The following GRIK2 variants were observed in gnomAD, a reference collection of about 807,000 sequenced individuals.
GRIK2 encodes the protein glutamate ionotropic receptor kainate type subunit 2.
A neutral mutation model predicts 100.3 loss-of-function variants in GRIK2; 32 were observed. That is an observed-to-expected ratio of 0.32 (90% confidence interval 0.24 to 0.43). GRIK2 has a LOEUF of 0.43. Ranked by LOEUF, GRIK2 falls within the 20% of genes least tolerant of loss-of-function variation. The pLI is 1.00. For synonymous variants in GRIK2, 417 were observed against 389.4 expected (o/e 1.07, Z -0.83); for missense variants, 843 against 1,114.9 (o/e 0.76, Z 3.47).
At chr6:101,405,870 A>G (rs1775567979) in intron 2 of GRIK2, among the ~76,000 whole-genome samples, 3 of 152,228 alleles carry the variant, frequency 2.0e-5, no homozygotes, top group Non-Finnish European at 4.4e-5. Flanking sequence ...CATGAAACCA[A>G]ATTTTTGTAT....
chr6:101,689,470 A>G (rs1771937797), intron 7 of GRIK2, among the ~76,000 whole-genome samples: 1 of 152,118 alleles, frequency 6.6e-6, no homozygotes, highest in South Asian at 2.1e-4. Flanking sequence ...TTGAGTTAGG[A>G]TTTTAATTGG....
chr6:101,725,044 ATTTTCTTTTACTTTGTG>A (rs149770738), intron 7 of GRIK2, among the ~76,000 whole-genome samples: 2,390 of 152,016 alleles, frequency 0.016, 27 homozygotes, highest in Non-Finnish European at 0.021. Context: ...TAAAAGTTTT[ATTTTCTTTTACTTTGTG>A]AATTCAATAA....
chr6:102,007,282 G>A (rs1795292220), intron 14 of GRIK2, among the ~76,000 whole-genome samples: 2 of 152,054 alleles, frequency 1.3e-5, no homozygotes, highest in South Asian at 4.1e-4. Flanking sequence ...GGAGAGAAAT[G>A]GGAGGAAATG....
At chr6:101,400,152 G>T (rs1410490316) in intron 2 of GRIK2, among the ~76,000 whole-genome samples, 2 of 152,156 alleles carry the variant, frequency 1.3e-5, no homozygotes, top group African/African-American at 4.8e-5. Flanking sequence ...GTGGGGAAGA[G>T]TAGTTGTTTA....
chr6:101,436,476 A>G, intron 2 of GRIK2, among the ~76,000 whole-genome samples: 1 of 152,060 alleles, frequency 6.6e-6, no homozygotes, highest in East Asian at 1.9e-4. Context: ...AATGTTCTGT[A>G]GCAAAACTTG....
chr6:102,067,187 T>C (rs1191161508), intron 16 of GRIK2, among the ~76,000 whole-genome samples: 2 of 151,750 alleles, frequency 1.3e-5, no homozygotes. Flanking sequence ...GATGTATATA[T>C]ACATTGTGGA....
intron 2 of GRIK2, among the ~76,000 whole-genome samples, chr6:101,499,702 G>C (rs1773649341): frequency 6.6e-6 from 1 of 151,978 alleles, no homozygotes; most frequent in Non-Finnish European, 1.5e-5. Context: ...ATTTGTGTTA[G>C]ATTTAAGTCA....
At chr6:102,028,890 T>C (rs1008786657) in intron 14 of GRIK2, among the ~76,000 whole-genome samples, 2 of 151,180 alleles carry the variant, frequency 1.3e-5, no homozygotes, top group Non-Finnish European at 3.0e-5. Flanking sequence ...ATTTTAACTA[T>C]TTCTTATCTT....
At chr6:101,660,653 T>A (rs1339312650) in intron 4 of GRIK2, among the ~76,000 whole-genome samples, 1 of 152,008 alleles carries the variant, frequency 6.6e-6, no homozygotes, top group Non-Finnish European at 1.5e-5. Context: ...TCTGATGGAG[T>A]TTTTGTGTGG....
intron 14 of GRIK2, among the ~76,000 whole-genome samples, chr6:102,001,370 C>T (rs553751123): frequency 7.9e-5 from 12 of 151,772 alleles, no homozygotes; most frequent in African/African-American, 2.4e-4. Flanking sequence ...CCCCACCCCC[C>T]GACAGGCCCC....
At chr6:101,952,686 T>G (rs1262026777) in intron 14 of GRIK2, among the ~76,000 whole-genome samples, 2 of 151,762 alleles carry the variant, frequency 1.3e-5, no homozygotes, top group African/African-American at 4.8e-5. Context: ...CACTGCAAGC[T>G]CCGCCTCCTG....
chr6:101,709,150 A>T (rs938234469), intron 7 of GRIK2, among the ~76,000 whole-genome samples: 1 of 151,830 alleles, frequency 6.6e-6, no homozygotes, highest in African/African-American at 2.4e-5. Context: ...AACAGGGAGA[A>T]CACAAGGTAA....
chr6:101,988,132 T>TGTGTGTGTGTGTGC (rs1231517176), intron 14 of GRIK2, among the ~76,000 whole-genome samples: 1 of 29,552 alleles, frequency 3.4e-5, no homozygotes, highest in African/African-American at 1.0e-4. Flanking sequence ...TGTGTGTGTG[T>TGTGTGTGTGTGTGC]GCGCGCGCGC....
chr6:101,659,047 A>G (rs1462266516), intron 4 of GRIK2, among the ~76,000 whole-genome samples: 3 of 152,136 alleles, frequency 2.0e-5, no homozygotes, highest in Non-Finnish European at 4.4e-5. Context: ...CCATTTGTCA[A>G]TTTTGGCTTT....
At chr6:101,841,801 C>T (rs1323089329) in intron 10 of GRIK2, among the ~76,000 whole-genome samples, 1 of 152,152 alleles carries the variant, frequency 6.6e-6, no homozygotes, top group Non-Finnish European at 1.5e-5. Context: ...ACGTGCAAAT[C>T]TATGAACTAC....
chr6:102,053,091 A>AACACACACACAC lies in GRIK2; in HGVS notation c.2312-2227_2312-2216dup, dbSNP rs148536098. Among the ~76,000 whole-genome samples the AACACACACACAC allele has an allele frequency of 4.3e-3, 649 of 149,374 alleles. 7 individuals are homozygous for AACACACACACAC. The highest frequency in any genetic ancestry group is 0.011 in the African/African-American group (444 of 40,680). On this transcript the variant is annotated intron_variant, in intron 15 of 16. Transcript: ENST00000369134. ...TACAAAGACAAACAACAACAACAAC[A>AACACACACACAC]ACACACACACACACACACACACATA...
intron 10 of GRIK2, among the ~76,000 whole-genome samples, chr6:101,849,773 T>C (rs912551708): frequency 2.6e-5 from 4 of 151,428 alleles, no homozygotes; most frequent in African/African-American, 7.3e-5. Flanking sequence ...ATTATGTCTT[T>C]TTCATTTGGC....
rs1772159551 is a variant in GRIK2 at position 102,069,304 on chromosome 6, T to TAAG, written c.*795_*796insGAA. On this transcript the variant is annotated 3_prime_UTR_variant, in exon 17 of 17. Transcript: ENST00000369134. Reference sequence around the variant, plus strand: ...CTAACCCCCATATCCCAAATAATAATAATAATAATAATAATAATAATAATA... The same window carrying TAAG: ...CTAACCCCCATATCCCAAATAATAATAAGAATAATAATAATAATAATAATAATA... The TAAG allele has an allele frequency of 7.0e-6, 1 of 142,594 alleles. No homozygotes were observed. The highest frequency in any genetic ancestry group is 2.3e-4 in the South Asian group (1 of 4,424). 8.8% of individuals were successfully genotyped at this position (142,594 alleles called of 1,614,324 possible).
At chr6:101,584,547 A>G (rs547094961) in intron 2 of GRIK2, among the ~76,000 whole-genome samples, 107 of 152,192 alleles carry the variant, frequency 7.0e-4, no homozygotes, top group Middle Eastern at 6.8e-3. Context: ...ATATAGGACT[A>G]TTTGAGGAAC....
Sources: allele counts gnomAD v4.1 joint callset (sites outside exome capture counted in the v4.1 genomes callset), GRCh38; gene constraint gnomAD v4.1.1; transcripts MANE v1.5; gene names NCBI Gene and HGNC (gene_info 2026-07-23, HGNC 2026-07-21).